MCF2L: variants seen among roughly 807,000 people sequenced by gnomAD.
MCF2L encodes guanine nucleotide exchange factor DBS.
MCF2L carries 97 observed loss-of-function variants against 153.4 expected under a neutral mutation model. The ratio of observed to expected loss-of-function variants is 0.63; its 90% CI spans 0.54 to 0.75. The LOEUF is 0.75. Ranked by LOEUF, MCF2L falls within the 30% of genes least tolerant of loss-of-function variation. The pLI is 0.00. For synonymous variants in MCF2L, 659 were observed against 632.2 expected (o/e 1.04, Z -0.64); for missense variants, 1,347 against 1,495.2 (o/e 0.90, Z 1.64).
At chr13:113,037,182 T>C (rs747681977) in intron 3 of MCF2L, among the ~76,000 whole-genome samples, 1 of 152,226 alleles carries the variant, frequency 6.6e-6, no homozygotes, top group African/African-American at 2.4e-5. Context: ...ACAAGCTGGC[T>C]GAACCCTTGG....
intron 2 of MCF2L, among the ~76,000 whole-genome samples, chr13:112,940,457 T>G (rs953246489): frequency 6.6e-6 from 1 of 152,172 alleles, no homozygotes; most frequent in African/African-American, 2.4e-5. Context: ...CGTGGTCGGG[T>G]GGGGCGGGGA....
At chr13:112,912,451 G>T (rs2081242535) in intron 2 of MCF2L, among the ~76,000 whole-genome samples, 1 of 152,046 alleles carries the variant, frequency 6.6e-6, no homozygotes, top group Admixed American at 6.6e-5. Flanking sequence ...CAAGTAGCTG[G>T]GATTACAAGC....
In MCF2L at chr13:112,993,070, G is replaced by A. The variant is rs867734336; in HGVS notation, c.80-21693G>A. 6.6e-6 allele frequency among the ~76,000 whole-genome samples: 1 copy of A among 152,246 alleles called. No homozygotes were observed. The highest frequency in any genetic ancestry group is 1.5e-5 in the Non-Finnish European group (1 of 68,046). ...AGAGAGCGGCTCGCTGCCTTGAGAA[G>A]CTCCCGCTTCTGCAGTAAGGTGGCT... is the stretch of plus-strand genomic sequence containing the variant. On this transcript the variant is annotated intron_variant, in intron 1 of 29. Coordinates refer to ENST00000535094, the MANE Select transcript of MCF2L (RefSeq NM_001112732.3). This position sits in a 1 kb window ranked among gnomAD's most constrained non-coding sequence, Gnocchi z 4.6.
At chr13:113,065,695 C>T (rs2032254081) in intron 7 of MCF2L, among the ~76,000 whole-genome samples, 1 of 152,252 alleles carries the variant, frequency 6.6e-6, no homozygotes. Flanking sequence ...GGTGTGTCCC[C>T]GAGGACTGTG....
chr13:112,899,246 G>T (rs777500206), intron 1 of MCF2L, among the ~76,000 whole-genome samples: 3 of 152,184 alleles, frequency 2.0e-5, no homozygotes, highest in Non-Finnish European at 2.9e-5. Flanking sequence ...TGTGCGAGGC[G>T]CCTCGCTCAG....
At chr13:113,010,563 G>A (rs2084024248) in intron 1 of MCF2L, among the ~76,000 whole-genome samples, 1 of 152,188 alleles carries the variant, frequency 6.6e-6, no homozygotes, top group Non-Finnish European at 1.5e-5. Context: ...CCTCCCAGGT[G>A]GGGCTGCTGT....
At chr13:113,060,877 G>A (rs148524328) in intron 5 of MCF2L, among the ~76,000 whole-genome samples, 165 bp downstream of exon 5, 2 of 152,106 alleles carry the variant, frequency 1.3e-5, no homozygotes, top group Non-Finnish European at 2.9e-5. Context: ...GCTGCCAGAA[G>A]CAGTACAATC....
chr13:113,005,811 C>T (rs1474774934), intron 1 of MCF2L, among the ~76,000 whole-genome samples: 1 of 152,154 alleles, frequency 6.6e-6, no homozygotes, highest in Non-Finnish European at 1.5e-5. Flanking sequence ...GGTTTCACAA[C>T]GTGAACTATA....
intron 3 of MCF2L, among the ~76,000 whole-genome samples, chr13:113,033,385 GGCCCCCGT>G (rs2141394446): frequency 7.9e-6 from 1 of 126,834 alleles, no homozygotes; most frequent in Admixed American, 8.0e-5. Context: ...TGACGTGAGT[GGCCCCCGT>G]GATGTGAGTG....
At position 113,046,442 on chromosome 13, in the gene MCF2L, T is replaced by G. The variant is rs2141546063; in HGVS notation, c.369+1081T>G. ...GTGAAGTCAGATTCTCCCAGTGAAG[T>G]CAGATTCTCCTGGCCTTTCCTGGGT... On this transcript the variant is annotated intron_variant, in intron 4 of 29. Transcript: ENST00000535094. This position sits in a 1 kb window ranked among gnomAD's most constrained non-coding sequence, Gnocchi z 4.4. 1 of 464,492 alleles carries G rather than the reference T, an allele frequency of 2.2e-6. No homozygotes were observed. The highest frequency in any genetic ancestry group is 4.5e-4 in the Middle Eastern group (1 of 2,206). 28.8% of individuals were successfully genotyped at this position (464,492 alleles called of 1,614,324 possible).
intron 2 of MCF2L, among the ~76,000 whole-genome samples, chr13:112,939,316 C>T (rs1189809593): frequency 6.6e-6 from 1 of 152,172 alleles, no homozygotes; most frequent in Non-Finnish European, 1.5e-5. Flanking sequence ...GGGTCCCCAA[C>T]CTGTGCAGTG....
At chr13:112,906,016 C>T (rs555413384) in intron 2 of MCF2L, among the ~76,000 whole-genome samples, 1 of 152,292 alleles carries the variant, frequency 6.6e-6, no homozygotes, top group African/African-American at 2.4e-5. Flanking sequence ...GTCCAACTTC[C>T]CTGTTCTCAG....
At position 113,078,371 on chromosome 13, in the gene MCF2L, C is replaced by G; in HGVS notation, c.1669C>G (p.Arg557Gly). The change falls in exon 14 of 30, where the codon CGA becomes GGA. Residue 557 changes from arginine to glycine, a missense_variant. Transcript: ENST00000535094. ...KSPCPSPGIR[R>G]GSENSSSEGG... Reference sequence around the variant, plus strand: ...CCCCTTCTTCCCAACAGGCATTCGGCGAGGCTCTGAGAACTCCAGCTCCGA... The same window carrying G: ...CCCCTTCTTCCCAACAGGCATTCGGGGAGGCTCTGAGAACTCCAGCTCCGA... The G allele has an allele frequency of 6.2e-7, 1 of 1,613,238 alleles. No homozygotes were observed. Among genetic ancestry groups the G allele is most frequent in the Non-Finnish European group, 8.5e-7 (1 of 1,179,784 alleles).
chr13:113,005,442 T>C (rs2083624759), intron 1 of MCF2L, among the ~76,000 whole-genome samples: 1 of 152,290 alleles, frequency 6.6e-6, no homozygotes, highest in East Asian at 1.9e-4. Context: ...CCATGGACTA[T>C]TCGTGGTGAC....
At chr13:113,071,398 C>T (rs1319692285) in intron 9 of MCF2L, among the ~76,000 whole-genome samples, 1 of 152,196 alleles carries the variant, frequency 6.6e-6, no homozygotes, top group Non-Finnish European at 1.5e-5. Flanking sequence ...GTAGCCAAAG[C>T]ATTTAATTTT....
intron 28 of MCF2L, 24 bp downstream of exon 28, chr13:113,096,507 G>A: frequency 6.3e-7 from 1 of 1,582,234 alleles, no homozygotes; most frequent in Non-Finnish European, 8.6e-7. Flanking sequence ...CTCAGCCCCG[G>A]ACTGCCCCGC....
intron 2 of MCF2L, among the ~76,000 whole-genome samples, chr13:112,942,760 G>A (rs1388469083): frequency 1.3e-5 from 2 of 152,182 alleles, no homozygotes; most frequent in African/African-American, 4.8e-5. Flanking sequence ...AATGTGCAGC[G>A]GGTGCAGGCA....
chr13:113,027,088 A>G lies in MCF2L; in HGVS notation c.278+2330A>G, dbSNP rs761333090. 50 of 744,052 alleles carry G rather than the reference A, an allele frequency of 6.7e-5. 1 individual carries two copies. The highest frequency in any genetic ancestry group is 3.8e-4 in the Admixed American group (21 of 55,020). 46.1% of individuals were successfully genotyped at this position (744,052 alleles called of 1,614,324 possible). On this transcript the variant is annotated intron_variant, in intron 3 of 29. Transcript: ENST00000535094. The surrounding 1 kb of genome is among the most constrained non-coding windows in gnomAD (Gnocchi z 4.8). ...CTTAAATATGGCATCTGTATCCCGC[A>G]CATTACATAAGGTGGCAAAACACAG...
chr13:112,944,783 G>T (rs2140683973), intron 2 of MCF2L, among the ~76,000 whole-genome samples: 1 of 152,258 alleles, frequency 6.6e-6, no homozygotes, highest in Middle Eastern at 3.4e-3. Context: ...ACCGCGCCCG[G>T]CCAAACCTGA....
Sources: gnomAD v4.1 joint callset for allele counts (sites outside exome capture counted in the v4.1 genomes callset) on GRCh38, gnomAD v4.1.1 for gene constraint, Gnocchi (gnomAD v3.1) non-coding constraint, MANE v1.5 for transcripts, NCBI Gene and HGNC (gene_info 2026-07-23, HGNC 2026-07-21) for gene names.